HECTD2: variants seen among roughly 807,000 people sequenced by gnomAD.
HECTD2 encodes the protein probable E3 ubiquitin-protein ligase HECTD2.
In HECTD2, 35 loss-of-function variants were observed where a neutral mutation model predicts 103.2. That is an observed-to-expected ratio of 0.34 (90% CI 0.26 to 0.45). HECTD2 has a LOEUF of 0.45. Among genes scored for constraint, HECTD2 ranks in the 20% least tolerant of loss-of-function variants. The pLI, the probability that HECTD2 is intolerant of heterozygous loss-of-function variation, is 1.00. For missense variants in HECTD2, 596 were observed against 937.4 expected (o/e 0.64, Z 4.76); for synonymous variants, 281 against 329.9 (o/e 0.85, Z 1.61).
At chr10:91,509,411 T>G (rs900218249) in intron 20 of HECTD2, among the ~76,000 whole-genome samples, 3 of 152,168 alleles carry the variant, frequency 2.0e-5, no homozygotes, top group Non-Finnish European at 4.4e-5. Flanking sequence ...GGAGGTTTCT[T>G]AAAGAACTTA....
Position 91,487,785 on chromosome 10 carries a change from C to T in HECTD2, c.1191+7C>T, listed in dbSNP as rs765753164. ...GATGATAAACATCGCAAGGGTAAGT[C>T]AGCTATAAAAACATATTTATGCTGA... On this transcript the variant is annotated splice_region_variant and intron_variant, in intron 11 of 20. Coordinates refer to ENST00000298068, the MANE Select transcript of HECTD2 (RefSeq NM_182765.6). The surrounding 1 kb of genome is among the most constrained non-coding windows in gnomAD (Gnocchi z 4.1). 2.6e-6 allele frequency: 4 copies of T among 1,528,752 alleles called. No homozygotes were observed. The highest frequency in any genetic ancestry group is 2.7e-6 in the Non-Finnish European group (3 of 1,107,366). 94.7% of individuals were successfully genotyped at this position (1,528,752 alleles called of 1,614,324 possible).
chr10:91,429,857 T>G (rs1289715087), intron 2 of HECTD2, among the ~76,000 whole-genome samples: 54 of 151,936 alleles, frequency 3.6e-4, no homozygotes, highest in African/African-American at 8.9e-4. Context: ...TTTTTGAAGG[T>G]TTTTTTGTGT....
intron 2 of HECTD2, among the ~76,000 whole-genome samples, chr10:91,444,042 A>G (rs1844484223): frequency 6.6e-6 from 1 of 152,060 alleles, no homozygotes; most frequent in Non-Finnish European, 1.5e-5. Context: ...TAAATAAATG[A>G]TAGTCATCTC....
chr10:91,427,370 AT>A (rs1843614338), intron 2 of HECTD2, among the ~76,000 whole-genome samples: 1 of 152,014 alleles, frequency 6.6e-6, no homozygotes, highest in African/African-American at 2.4e-5. Flanking sequence ...ATACCCAGTA[AT>A]GGGATGGCTG....
At chr10:91,446,270 C>T (rs892574450) in intron 2 of HECTD2, among the ~76,000 whole-genome samples, 40 of 140,636 alleles carry the variant, frequency 2.8e-4, no homozygotes, top group Non-Finnish European at 5.9e-4. Flanking sequence ...CTCCAGCAGA[C>T]CTTTCCTTCT....
chr10:91,418,502 G>C (rs1363995217), intron 1 of HECTD2, among the ~76,000 whole-genome samples: 1 of 151,992 alleles, frequency 6.6e-6, no homozygotes, highest in Non-Finnish European at 1.5e-5. Context: ...TCCATTTAAA[G>C]ATATGATTTA....
chr10:91,503,393 A>C (rs2133360053), intron 20 of HECTD2, among the ~76,000 whole-genome samples: 1 of 152,324 alleles, frequency 6.6e-6, no homozygotes, highest in South Asian at 2.1e-4. Context: ...GGAGTGCCAG[A>C]CAGTGGGCGC....
chr10:91,457,844 A>G (rs11186574), intron 2 of HECTD2, among the ~76,000 whole-genome samples: 12,053 of 151,882 alleles, frequency 0.079, 919 homozygotes, highest in African/African-American at 0.2. Context: ...ATGGCTAAAG[A>G]CTTAGTGCTT....
rs1842861456 is a variant in HECTD2 at position 91,410,367 on chromosome 10, G to A, written c.-72G>A. 26 of 1,020,358 alleles carry A rather than the reference G, an allele frequency of 2.5e-5. No individual in the cohort carries two copies. The highest frequency in any genetic ancestry group is 2.6e-5 in the Non-Finnish European group (21 of 800,480). 63.2% of individuals were successfully genotyped at this position (1,020,358 alleles called of 1,614,324 possible). A position where few individuals can be genotyped will look rare whatever the true frequency, so the allele number is the denominator to read the frequency against. On this transcript the variant is annotated 5_prime_UTR_variant, in exon 1 of 21. Transcript: ENST00000298068. Reference sequence around the variant, plus strand: ...CCAGAGCCCTCTCGCGGCCGCGGCGGCAGCAGCAGCGCCAGCCCCAGCAAC... The same window carrying A: ...CCAGAGCCCTCTCGCGGCCGCGGCGACAGCAGCAGCGCCAGCCCCAGCAAC...
At chr10:91,491,656 T>C (rs1433043148) in intron 12 of HECTD2, among the ~76,000 whole-genome samples, 1 of 152,174 alleles carries the variant, frequency 6.6e-6, no homozygotes, top group Non-Finnish European at 1.5e-5. Context: ...AACAAGTCAT[T>C]TAACTTCTCC....
chr10:91,435,745 A>G (rs1400675004), intron 2 of HECTD2, among the ~76,000 whole-genome samples: 1 of 151,944 alleles, frequency 6.6e-6, no homozygotes, highest in African/African-American at 2.4e-5. Context: ...CTTGTGCTAT[A>G]TACTCGGTCT....
chr10:91,420,497 G>A (rs1240508073), intron 1 of HECTD2, among the ~76,000 whole-genome samples: 4 of 151,572 alleles, frequency 2.6e-5, no homozygotes, highest in African/African-American at 9.7e-5. Flanking sequence ...GCTGAGGCAG[G>A]AGAATCAGTA....
At chr10:91,503,432 A>G (rs1340904881) in intron 20 of HECTD2, among the ~76,000 whole-genome samples, 1 of 152,210 alleles carries the variant, frequency 6.6e-6, no homozygotes, top group Non-Finnish European at 1.5e-5. Context: ...ACCGTGCGCG[A>G]GCCGAAGCAG....
intron 2 of HECTD2, among the ~76,000 whole-genome samples, chr10:91,429,487 G>A (rs1459821305): frequency 8.5e-5 from 13 of 152,108 alleles, no homozygotes; most frequent in South Asian, 4.1e-4. Flanking sequence ...GGTAGAATTT[G>A]GCTGTGAATC....
chr10:91,480,036 A>G (rs1404074642), intron 6 of HECTD2, among the ~76,000 whole-genome samples: 2 of 152,050 alleles, frequency 1.3e-5, no homozygotes, highest in South Asian at 2.1e-4. Flanking sequence ...TTTGTATTAT[A>G]TTTTCCTATA....
At chr10:91,459,595 T>C (rs1179354533) in intron 2 of HECTD2, among the ~76,000 whole-genome samples, 1 of 152,098 alleles carries the variant, frequency 6.6e-6, no homozygotes, top group Non-Finnish European at 1.5e-5. Context: ...ATTTCTTTCA[T>C]ATAACATTCT....
chr10:91,477,073 C>G (rs1223402380), intron 5 of HECTD2, among the ~76,000 whole-genome samples: 1 of 151,360 alleles, frequency 6.6e-6, no homozygotes, highest in South Asian at 2.1e-4. Context: ...CCCAGCTACT[C>G]GGGAGGCTGA....
At chr10:91,461,968 C>G (rs780017753) in intron 4 of HECTD2, 127 bp from the exon 5 acceptor site, 6 of 677,530 alleles carry the variant, frequency 8.9e-6, no homozygotes, top group Non-Finnish European at 1.4e-5. Flanking sequence ...AAATTTTGCC[C>G]TAACAGTTCT....
At position 91,414,847 on chromosome 10, in the gene HECTD2, G is replaced by A. The variant is rs376618177; in HGVS notation, c.138+4271G>A. Among the ~76,000 whole-genome samples, 10 of 152,336 alleles carry A rather than the reference G, an allele frequency of 6.6e-5. No homozygotes were observed. In the South Asian group the frequency reaches 1.9e-3, roughly 28 times the overall value. ...GGGAGGTGAGAAAGATTGCATGGGG[G>A]CTGGAGCCAGATCACTAGGCAGAAA... On this transcript the variant is annotated intron_variant, in intron 1 of 20. Transcript: ENST00000298068.
Sources: allele counts gnomAD v4.1 joint callset (sites outside exome capture counted in the v4.1 genomes callset), GRCh38; gene constraint gnomAD v4.1.1; non-coding constraint Gnocchi (gnomAD v3.1); transcripts MANE v1.5; gene names NCBI Gene and HGNC (gene_info 2026-07-23, HGNC 2026-07-21).